LAMB3: variants seen among roughly 807,000 people sequenced by gnomAD.
The protein encoded by LAMB3 is laminin subunit beta-3.
Under a neutral mutation model 140.3 loss-of-function variants are expected in LAMB3, and 104 were observed. That is an observed-to-expected ratio of 0.74 (90% CI 0.63 to 0.87). The LOEUF (loss-of-function observed/expected upper bound fraction) is 0.87. Ranked by LOEUF, LAMB3 falls within the 40% of genes least tolerant of loss-of-function variation. The pLI, the probability that LAMB3 is intolerant of heterozygous loss-of-function variation, is 0.00. For synonymous variants in LAMB3, 592 were observed against 602.9 expected (o/e 0.98, Z 0.26); for missense variants, 1,531 against 1,575.2 (o/e 0.97, Z 0.47).
chr1:209,616,400 G>C lies in LAMB3; in HGVS notation c.3382+71C>G. 1.0e-5 allele frequency: 16 copies of C among 1,575,856 alleles called. No homozygotes were observed. In the South Asian group the frequency reaches 1.6e-4, roughly 15 times the overall value. ...CTAGCTCCAATAAGAACGGGCTTCAGAAGCCTTGGGTTGGGTGGGACCAGC... is the reference window on the plus strand; with the variant it reads ...CTAGCTCCAATAAGAACGGGCTTCACAAGCCTTGGGTTGGGTGGGACCAGC... On this transcript the variant is annotated intron_variant, in intron 22 of 22. Transcript: ENST00000356082.
At chr1:209,631,722 C>A (rs1237158623) in intron 8 of LAMB3, among the ~76,000 whole-genome samples, 2 of 152,204 alleles carry the variant, frequency 1.3e-5, no homozygotes, top group Non-Finnish European at 2.9e-5. Context: ...TGTCACTCAG[C>A]CTTGGGTTCT....
intron 14 of LAMB3, among the ~76,000 whole-genome samples, chr1:209,624,232 C>T (rs76085564): frequency 1.3e-5 from 2 of 152,332 alleles, no homozygotes; most frequent in East Asian, 3.9e-4. Flanking sequence ...CCTCCCTTGA[C>T]TTCTATGACC....
chr1:209,624,962 AAAAAAGAAG>A (rs955927006), intron 14 of LAMB3, among the ~76,000 whole-genome samples: 1 of 151,474 alleles, frequency 6.6e-6, no homozygotes, highest in African/African-American at 2.4e-5. Context: ...GGAAGGAAGG[AAAAAAGAAG>A]GAAAAGAAGG....
rs1207648467 is a variant in LAMB3 at position 209,615,497 on chromosome 1, G to A, written c.3383-90C>T. 3 of 1,455,864 alleles carry A rather than the reference G, an allele frequency of 2.1e-6. No homozygotes were observed. In the African/African-American group the frequency reaches 4.2e-5, roughly 20 times the overall value. The allele number at this position is 1,455,864 out of a possible 1,614,324, so 90.2% of individuals were successfully genotyped here. ...CTTCCTTCCCCTCCTGCTAACTGGAGGTAGCATGTGTAGAGGAATCCCCTC... is the reference window on the plus strand; with the variant it reads ...CTTCCTTCCCCTCCTGCTAACTGGAAGTAGCATGTGTAGAGGAATCCCCTC... On this transcript the variant is annotated intron_variant, in intron 22 of 22. Transcript: ENST00000356082.
Position 209,625,684 on chromosome 1 carries a change from T to C in LAMB3, c.1940A>G (p.Glu647Gly). Residue 647 changes from glutamate to glycine, a missense_variant, in exon 14 of 23, where the codon GAG (glutamate) becomes GGG (glycine). Coordinates refer to ENST00000356082, the MANE Select transcript of LAMB3 (RefSeq NM_000228.3). Reference sequence around the variant, plus strand: ...GATGGCACTGGCCACCTGAGCCACCTCCTGCTCTGTGACTGCGGGGCTGCT... The same window carrying C: ...GATGGCACTGGCCACCTGAGCCACCCCCTGCTCTGTGACTGCGGGGCTGCT... ...VLSSPAVTEQ[E>G]VAQVASAILS... is the part of the protein sequence containing the mutation. 1 of 1,614,140 alleles carries C rather than the reference T, an allele frequency of 6.2e-7. No homozygotes were observed. Among genetic ancestry groups the C allele is most frequent in the Non-Finnish European group, 8.5e-7 (1 of 1,180,036 alleles).
chr1:209,621,895 C>T (rs1666208655), intron 18 of LAMB3, among the ~76,000 whole-genome samples: 1 of 152,200 alleles, frequency 6.6e-6, no homozygotes, highest in East Asian at 1.9e-4. Flanking sequence ...AGACAACCAT[C>T]CTTGCCCTCC....
In LAMB3 at chr1:209,625,897, G is replaced by T; in HGVS notation, c.1727C>A (p.Pro576Gln). The change falls in exon 14 of 23, where the codon CCG (proline) becomes CAG (glutamine). Residue 576 changes from proline to glutamine, a missense_variant. Coordinates refer to ENST00000356082, the MANE Select transcript of LAMB3 (RefSeq NM_000228.3). ...QCQRGYCNRY[P>Q]VCVACHPCFQ... Reference sequence around the variant, plus strand: ...GCAAGGGTGGCAGGCCACGCACACCGGGTAGCGATTACAGTAGCCTCGCTG... The same window carrying T: ...GCAAGGGTGGCAGGCCACGCACACCTGGTAGCGATTACAGTAGCCTCGCTG... The T allele has an allele frequency of 6.2e-7, 1 of 1,613,842 alleles. No homozygotes were observed. Among genetic ancestry groups the T allele is most frequent in the South Asian group, 1.1e-5 (1 of 91,074 alleles).
intron 5 of LAMB3, among the ~76,000 whole-genome samples, chr1:209,636,728 A>G (rs1666906030): frequency 6.6e-6 from 1 of 152,154 alleles, no homozygotes; most frequent in Admixed American, 6.5e-5. Context: ...CTTGGAATAA[A>G]CATTGCCCTT....
chr1:209,646,879 A>G (rs1312773417), intron 3 of LAMB3, among the ~76,000 whole-genome samples: 1 of 152,210 alleles, frequency 6.6e-6, no homozygotes, highest in Non-Finnish European at 1.5e-5. Flanking sequence ...GAAGTAAATG[A>G]GGGCAGGGAA....
At chr1:209,649,802 T>C (rs1041576614) in intron 3 of LAMB3, among the ~76,000 whole-genome samples, 162 bp downstream of exon 3, 6 of 152,228 alleles carry the variant, frequency 3.9e-5, no homozygotes, top group Non-Finnish European at 8.8e-5. Flanking sequence ...GTAAATTCCT[T>C]AGAGGCAAGG....
At chr1:209,635,966 T>G (rs1666881484) in intron 5 of LAMB3, among the ~76,000 whole-genome samples, 2 of 152,224 alleles carry the variant, frequency 1.3e-5, no homozygotes, top group Non-Finnish European at 2.9e-5. Flanking sequence ...TTTCTTGGAA[T>G]GCTCCTCCCG....
At position 209,630,485 on chromosome 1, in the gene LAMB3, T is replaced by C. The variant is rs1175027280; in HGVS notation, c.943+130A>G. ...AGAGCCAGGAGAGCTTGAATTGTAA[T>C]GGTGCAATTCAGTTTAGATTTACAT... On this transcript the variant is annotated intron_variant, in intron 9 of 22. Transcript: ENST00000356082. 9 of 1,027,508 alleles carry C rather than the reference T, an allele frequency of 8.8e-6. No individual in the cohort carries two copies. In the Admixed American group the frequency reaches 1.2e-4, roughly 14 times the overall value. The allele number at this position is 1,027,508 out of a possible 1,614,324, so 63.6% of individuals were successfully genotyped here.
At chr1:209,634,359 C>G in intron 6 of LAMB3, 88 bp downstream of exon 6, 2 of 1,383,092 alleles carry the variant, frequency 1.4e-6, no homozygotes, top group Non-Finnish European at 2.1e-6. Context: ...GTGTTTCCGT[C>G]CCTTCTCAGG....
In LAMB3 at chr1:209,640,683, C is replaced by CT. The variant is rs527732604; in HGVS notation, c.184-2036dup. On this transcript the variant is annotated intron_variant, in intron 3 of 22. Transcript: ENST00000356082. ...ACTTGACACATTGCATATTTACTGTCTATTTATTTATTTGTATATTGTCTG... is the reference window on the plus strand; with the variant it reads ...ACTTGACACATTGCATATTTACTGTCTTATTTATTTATTTGTATATTGTCTG... Among the ~76,000 whole-genome samples the CT allele has an allele frequency of 4.3e-4, 65 of 152,234 alleles. No homozygotes were observed. The South Asian group carries it at 0.013, about 31-fold the overall frequency.
chr1:209,649,953 G>T lies in LAMB3; in HGVS notation c.183+11C>A. 6.2e-7 allele frequency: 1 copy of T among 1,614,182 alleles called. No individual in the cohort carries two copies. The highest frequency in any genetic ancestry group is 2.2e-5 in the East Asian group (1 of 44,876). ...TCCCGCCTTCCTCCAGTCCTGGGAA[G>T]TAGGGCCTACCTCGCCATACTGGGT... On this transcript the variant is annotated intron_variant, in intron 3 of 22. Transcript: ENST00000356082.
At chr1:209,632,380 A>G (rs1355873616) in intron 8 of LAMB3, among the ~76,000 whole-genome samples, 1 of 152,230 alleles carries the variant, frequency 6.6e-6, no homozygotes, top group Non-Finnish European at 1.5e-5. Context: ...ATCATCTCAA[A>G]TTAGGAAGCA....
chr1:209,618,901 G>A (rs938394351), intron 18 of LAMB3: 125 of 570,454 alleles, frequency 2.2e-4, no homozygotes, highest in Non-Finnish European at 3.3e-4. Context: ...GAGGGGTGTC[G>A]TCACAGCTGT....
rs548096567 is a variant in LAMB3 at position 209,629,800 on chromosome 1, G to A, written c.1069C>T (p.Arg357Trp). 1.3e-5 allele frequency: 21 copies of A among 1,614,002 alleles called. No individual in the cohort carries two copies. Among genetic ancestry groups the A allele is most frequent in the South Asian group, 4.4e-5 (4 of 91,080 alleles). Residue 357 changes from arginine to tryptophan, a missense_variant, in exon 10 of 23, where the codon CGG (arginine) becomes TGG (tryptophan). Arg to Trp is a moderately radical substitution (Grantham distance 101). Coordinates refer to ENST00000356082, the MANE Select transcript of LAMB3 (RefSeq NM_000228.3). ...TTCCGGAAATAGTGCAGCTGACACCGCTCACAGTTCTTGCCTTCGGTGTGG... is the reference window on the plus strand; with the variant it reads ...TTCCGGAAATAGTGCAGCTGACACCACTCACAGTTCTTGCCTTCGGTGTGG... ...RDHTEGKNCE[R>W]CQLHYFRNRR...
At chr1:209,645,123 G>A (rs973714114) in intron 3 of LAMB3, among the ~76,000 whole-genome samples, 2 of 152,088 alleles carry the variant, frequency 1.3e-5, no homozygotes, top group Non-Finnish European at 2.9e-5. Flanking sequence ...ACCAACCCAA[G>A]TTTTGCTTCT....
Sources: allele counts gnomAD v4.1 joint callset (sites outside exome capture counted in the v4.1 genomes callset), GRCh38; gene constraint gnomAD v4.1.1; transcripts MANE v1.5; gene names NCBI Gene and HGNC (gene_info 2026-07-23, HGNC 2026-07-21).